KLHL3: variants seen among roughly 807,000 people sequenced by gnomAD.
KLHL3 encodes the protein kelch like family member 3, also known as kelch-like protein 3.
A neutral mutation model predicts 70.5 loss-of-function variants in KLHL3; 19 were observed. The observed-to-expected ratio is 0.27, with a 90% CI of 0.19 to 0.40. The LOEUF is 0.40. Among genes scored for constraint, KLHL3 ranks in the 10% least tolerant of loss-of-function variants. The probability of loss-of-function intolerance (pLI) is 1.00; values close to 1 mark genes in which losing one functional copy is unlikely to be tolerated. For missense variants in KLHL3, 512 were observed against 771.1 expected, an observed-to-expected ratio of 0.66 and a Z score of 3.98; for synonymous variants, 258 against 290.3, an observed-to-expected ratio of 0.89 and a Z score of 1.13.
intron 8 of KLHL3, among the ~76,000 whole-genome samples, chr5:137,649,281 G>C (rs1751138796): frequency 6.6e-6 from 1 of 152,212 alleles, no homozygotes; most frequent in Non-Finnish European, 1.5e-5. Flanking sequence ...GAAGTGATGG[G>C]ACATGGATTT....
rs566299162 is a variant in KLHL3, at chr5:137,629,790, T to C, written c.1451-1353A>G. 21 of 152,334 alleles carry C rather than the reference T, an allele frequency of 1.4e-4. 1 individual carries two copies. 9.4% of individuals were successfully genotyped at this position (152,334 alleles called of 1,614,324 possible). Reference sequence around the variant, plus strand: ...TCTCTAACTGACAGGTTTAATAAAATTTGTTGAGTTCCAAAGCTGCCTCAC... The same window carrying C: ...TCTCTAACTGACAGGTTTAATAAAACTTGTTGAGTTCCAAAGCTGCCTCAC... On this transcript the variant is annotated intron_variant, in intron 12 of 14. Coordinates refer to ENST00000309755, the MANE Select transcript of KLHL3 (RefSeq NM_017415.3).
At chr5:137,674,466 T>C (rs1463891623) in intron 6 of KLHL3, among the ~76,000 whole-genome samples, 2 of 152,234 alleles carry the variant, frequency 1.3e-5, no homozygotes, top group African/African-American at 2.4e-5. Context: ...AAGCTGCCTG[T>C]TACTTACACT....
At chr5:137,646,136 G>A (rs1325557965) in intron 8 of KLHL3, among the ~76,000 whole-genome samples, 4 of 151,890 alleles carry the variant, frequency 2.6e-5, no homozygotes, top group African/African-American at 9.7e-5. Flanking sequence ...ATCTAAACAG[G>A]TATTTCTCTA....
intron 8 of KLHL3, among the ~76,000 whole-genome samples, chr5:137,652,800 G>T (rs1397339413): frequency 6.6e-6 from 1 of 152,068 alleles, no homozygotes. Flanking sequence ...ATAGTTAAGA[G>T]AATGGATTTT....
intron 6 of KLHL3, among the ~76,000 whole-genome samples, chr5:137,668,777 C>T (rs1049042785): frequency 6.6e-6 from 1 of 152,198 alleles, no homozygotes; most frequent in Admixed American, 6.5e-5. Context: ...CCTAACTCCA[C>T]GTTTAGTGAC....
At chr5:137,720,434 T>C (rs1580786122) in intron 2 of KLHL3, 31 bp downstream of exon 2, 1 of 1,613,842 alleles carries the variant, frequency 6.2e-7, no homozygotes, top group Non-Finnish European at 8.5e-7. Context: ...AAGTTCCTTC[T>C]GCAAGGGCAC....
intron 1 of KLHL3, among the ~76,000 whole-genome samples, chr5:137,732,763 T>G (rs919356888): frequency 1.3e-5 from 2 of 152,212 alleles, no homozygotes; most frequent in African/African-American, 4.8e-5. Flanking sequence ...ACTCACTCTG[T>G]GCCTAAAAAA....
Position 137,643,168 on chromosome 5 carries a change from T to C in KLHL3, c.904-3191A>G, listed in dbSNP as rs1006345038. Among the ~76,000 whole-genome samples, 115 of 151,844 alleles carry C rather than the reference T, an allele frequency of 7.6e-4. 3 individuals are homozygous for C. The highest frequency in any genetic ancestry group is 1.5e-4 in the Non-Finnish European group (10 of 67,966). On this transcript the variant is annotated intron_variant, in intron 8 of 14. Coordinates refer to ENST00000309755, the MANE Select transcript of KLHL3 (RefSeq NM_017415.3). Reference sequence around the variant, plus strand: ...GAGCTCAAGACCAGCCTGGGCAACATGGTGAAACCCCGTCTCTACAAAAAA... The same window carrying C: ...GAGCTCAAGACCAGCCTGGGCAACACGGTGAAACCCCGTCTCTACAAAAAA...
intron 8 of KLHL3, among the ~76,000 whole-genome samples, chr5:137,654,013 G>A (rs184631478): frequency 6.6e-6 from 1 of 152,336 alleles, no homozygotes; most frequent in East Asian, 1.9e-4. Flanking sequence ...CATACAGCAT[G>A]ATTCCATTTA....
At chr5:137,681,333 A>T (rs763284590) in intron 5 of KLHL3, among the ~76,000 whole-genome samples, 4 of 152,204 alleles carry the variant, frequency 2.6e-5, no homozygotes, top group Non-Finnish European at 5.9e-5. Context: ...ACTGATGTCT[A>T]CAAGGACCCT....
At chr5:137,623,927 A>G (rs990678181) in intron 14 of KLHL3, among the ~76,000 whole-genome samples, 15 of 152,346 alleles carry the variant, frequency 9.8e-5, no homozygotes, top group Admixed American at 7.8e-4. Flanking sequence ...AAGAAGCAGC[A>G]GCTATTCAAC....
At chr5:137,710,001 A>T (rs1752762084) in intron 2 of KLHL3, 145 bp from the exon 3 acceptor site, 1 of 670,828 alleles carries the variant, frequency 1.5e-6, no homozygotes, top group African/African-American at 1.8e-5. Context: ...TGAGTTAGGG[A>T]GGGGGGTGGA....
At chr5:137,734,977 A>G (rs574553196) in intron 1 of KLHL3, among the ~76,000 whole-genome samples, 151 of 152,330 alleles carry the variant, frequency 9.9e-4, no homozygotes, top group African/African-American at 3.5e-3. Context: ...GCTGGTTCCT[A>G]TTTCAAAAGA....
chr5:137,722,753 G>T (rs550725939), intron 1 of KLHL3, among the ~76,000 whole-genome samples: 1 of 151,708 alleles, frequency 6.6e-6, no homozygotes, highest in Non-Finnish European at 1.5e-5. Flanking sequence ...CTCAACCTCC[G>T]CCTCCTGGGT....
chr5:137,693,656 G>C (rs1052816804), intron 4 of KLHL3, among the ~76,000 whole-genome samples: 1 of 152,000 alleles, frequency 6.6e-6, no homozygotes, highest in African/African-American at 2.4e-5. Flanking sequence ...TTGATTTAAG[G>C]CTGCTTATCT....
intron 1 of KLHL3, among the ~76,000 whole-genome samples, chr5:137,728,359 T>C (rs553103520): frequency 6.6e-6 from 1 of 152,164 alleles, no homozygotes; most frequent in Admixed American, 6.5e-5. Context: ...AGTAAATTAA[T>C]AGGTAGATAA....
chr5:137,691,229 T>G (rs962711992), intron 5 of KLHL3, among the ~76,000 whole-genome samples: 3 of 152,106 alleles, frequency 2.0e-5, no homozygotes, highest in Non-Finnish European at 4.4e-5. Flanking sequence ...AAAAAGACAA[T>G]TATTAACTGC....
At chr5:137,636,469 C>T (rs1383983734) in intron 11 of KLHL3, among the ~76,000 whole-genome samples, 1 of 152,184 alleles carries the variant, frequency 6.6e-6, no homozygotes, top group Non-Finnish European at 1.5e-5. Flanking sequence ...ATATTCTATG[C>T]TTTGGTACAT....
chr5:137,661,293 A>G (rs1751468552), intron 7 of KLHL3: 1 of 152,216 alleles, frequency 6.6e-6, no homozygotes, highest in Non-Finnish European at 1.5e-5. Flanking sequence ...AGGAGTTACA[A>G]TCTTTGCCCC....
Sources: allele counts gnomAD v4.1 joint callset (sites outside exome capture counted in the v4.1 genomes callset), GRCh38; gene constraint gnomAD v4.1.1; transcripts MANE v1.5; gene names NCBI Gene and HGNC (gene_info 2026-07-23, HGNC 2026-07-21).